OCA2: variants seen among roughly 807,000 people sequenced by gnomAD.
OCA2 encodes the protein OCA2 melanosomal transmembrane protein, also known as P protein.
OCA2 carries 77 observed loss-of-function variants against 100.2 expected under a neutral mutation model. The ratio of observed to expected loss-of-function variants is 0.77; its 90% CI spans 0.64 to 0.93. The LOEUF (loss-of-function observed/expected upper bound fraction) is 0.93. OCA2 is among the 40% of genes least tolerant of loss of function. The pLI, the probability that OCA2 is intolerant of heterozygous loss-of-function variation, is 0.00. For missense variants in OCA2, 1,062 were observed against 1,089.1 expected (o/e 0.98, Z 0.35); for synonymous variants, 432 against 439.2 (o/e 0.98, Z 0.21).
At chr15:27,871,790 T>G (rs2036585395) in intron 20 of OCA2, 73 bp downstream of exon 20, 1 of 1,112,114 alleles carries the variant, frequency 9.0e-7, no homozygotes, top group South Asian at 1.3e-5. Context: ...CCAGAGTGCT[T>G]TTTTTTTTTA....
At chr15:27,939,370 T>C (rs1301085155) in intron 18 of OCA2, among the ~76,000 whole-genome samples, 2 of 152,350 alleles carry the variant, frequency 1.3e-5, no homozygotes, top group African/African-American at 4.8e-5. Context: ...CAATTTCTGG[T>C]ACCCTCGGGG....
chr15:27,881,283 T>C (rs1352956260), intron 19 of OCA2, among the ~76,000 whole-genome samples: 1 of 152,132 alleles, frequency 6.6e-6, no homozygotes, highest in African/African-American at 2.4e-5. Context: ...TGAGGATTTT[T>C]GCATCAGTTT....
At chr15:27,845,168 G>A in intron 22 of OCA2, 116 bp from the exon 23 acceptor site, 3 of 834,378 alleles carry the variant, frequency 3.6e-6, no homozygotes, top group Non-Finnish European at 6.0e-6. Flanking sequence ...TTATTTTATA[G>A]TCAAAGTGAC....
At chr15:28,020,953 G>A (rs541592962) in intron 6 of OCA2, among the ~76,000 whole-genome samples, 3 of 152,278 alleles carry the variant, frequency 2.0e-5, no homozygotes, top group African/African-American at 7.2e-5. Context: ...CTGGGAAGAT[G>A]TAGTGAGACT....
At chr15:27,897,953 C>T (rs1454896077) in intron 19 of OCA2, among the ~76,000 whole-genome samples, 1 of 152,204 alleles carries the variant, frequency 6.6e-6, no homozygotes, top group Non-Finnish European at 1.5e-5. Flanking sequence ...CATTTTGGAG[C>T]TTTAAGAAAT....
At chr15:27,895,661 C>A in intron 19 of OCA2, 1 of 177,140 alleles carries the variant, frequency 5.6e-6, no homozygotes, top group Non-Finnish European at 1.2e-5. Context: ...CTAAGCAGGG[C>A]AGGTCTCTGT....
the OCA2 span, among the ~76,000 whole-genome samples, chr15:27,724,597 A>G: frequency 6.6e-6 from 1 of 152,080 alleles, no homozygotes; most frequent in Non-Finnish European, 1.5e-5. Flanking sequence ...CAGGGGCTTC[A>G]TGCGAATGTT....
chr15:27,956,256 G>A (rs1297836837), intron 16 of OCA2, among the ~76,000 whole-genome samples: 1 of 152,178 alleles, frequency 6.6e-6, no homozygotes, highest in Non-Finnish European at 1.5e-5. Context: ...GGCTGAGGCA[G>A]GAGAATCACT....
chr15:27,820,863 T>C (rs774597497), intron 23 of OCA2, among the ~76,000 whole-genome samples: 5 of 152,180 alleles, frequency 3.3e-5, no homozygotes, highest in Non-Finnish European at 7.3e-5. Context: ...CAATTTGCCT[T>C]TGGGATTAAC....
the OCA2 span, among the ~76,000 whole-genome samples, chr15:27,734,995 T>A: frequency 6.6e-6 from 1 of 152,016 alleles, no homozygotes; most frequent in Non-Finnish European, 1.5e-5. Context: ...CAAAATAAAG[T>A]GCCAATGACT....
At chr15:27,753,640 G>A (rs1375642470), downstream of OCA2, among the ~76,000 whole-genome samples, 1 of 152,054 alleles carries the variant, frequency 6.6e-6, no homozygotes, top group Admixed American at 6.5e-5. Flanking sequence ...GGGAGGCTGA[G>A]GCAGGAGAAT....
Position 27,985,183 on chromosome 15 carries a change from G to C in OCA2, c.1245C>G (p.Tyr415Ter). The C allele has an allele frequency of 6.2e-7, 1 of 1,613,722 alleles. No individual in the cohort carries two copies. The part of the protein sequence containing the change: ...GFFDYCAVKA[Y>*]RLSRGRVWAM... Reference sequence around the variant, plus strand: ...CCCACACCCGTCCCCGGGAGAGCCGGTATGCCTGGCCACACACACACAGAG... The same window carrying C: ...CCCACACCCGTCCCCGGGAGAGCCGCTATGCCTGGCCACACACACACAGAG... Residue 415 changes from tyrosine (Y) to a stop codon, truncating the protein, a stop_gained, in exon 13 of 24, where the codon TAC becomes TAG. Transcript: ENST00000354638. LOFTEE classifies it high-confidence loss of function.
rs1426116762 is a variant in OCA2 at position 27,957,816 on chromosome 15, G to A, written c.1637-81C>T. The A allele has an allele frequency of 4.6e-6, 7 of 1,531,622 alleles. No homozygotes were observed. The highest frequency in any genetic ancestry group is 3.4e-5 in the Admixed American group (2 of 58,536). The allele number at this position is 1,531,622 out of a possible 1,614,324, so 94.9% of individuals were successfully genotyped here. ...ACCCTCCTCTGTTCCCCACACAGTC[G>A]ATGCCTGACAGAGCAGACACACACT... On this transcript the variant is annotated intron_variant, in intron 15 of 23. Coordinates refer to ENST00000354638, the MANE Select transcript of OCA2 (RefSeq NM_000275.3). The surrounding 1 kb of genome is among the most constrained non-coding windows in gnomAD (Gnocchi z 4.3).
rs548263549 is a variant in OCA2, at chr15:28,052,512, A to C, written c.228-20349T>G. Among the ~76,000 whole-genome samples, 10 of 152,286 alleles carry C rather than the reference A, an allele frequency of 6.6e-5. No individual in the cohort carries two copies. The East Asian group carries it at 1.9e-3, about 29-fold the overall frequency. On this transcript the variant is annotated intron_variant, in intron 2 of 23. Transcript: ENST00000354638. ...TAGCTCTGAGCATTGCTGGCCTCAGAGCTAATCAACCCAAATGCAAATCCA... is the reference window on the plus strand; with the variant it reads ...TAGCTCTGAGCATTGCTGGCCTCAGCGCTAATCAACCCAAATGCAAATCCA...
At chr15:27,767,505 G>A (rs2031358655) in intron 23 of OCA2, among the ~76,000 whole-genome samples, 1 of 151,714 alleles carries the variant, frequency 6.6e-6, no homozygotes, top group African/African-American at 2.4e-5. Context: ...GCACCAGTCA[G>A]CACTGGGTGT....
intron 9 of OCA2, among the ~76,000 whole-genome samples, chr15:28,008,606 C>T (rs1211538748): frequency 6.6e-6 from 1 of 152,220 alleles, no homozygotes; most frequent in Non-Finnish European, 1.5e-5. Flanking sequence ...TTATAAATGA[C>T]CCTGTCTCCT....
rs1436393424 is a variant in OCA2 at position 28,043,750 on chromosome 15, A to G, written c.228-11587T>C. 6.6e-6 allele frequency among the ~76,000 whole-genome samples: 1 copy of G among 152,226 alleles called. No homozygotes were observed. The highest frequency in any genetic ancestry group is 1.5e-5 in the Non-Finnish European group (1 of 68,046). On this transcript the variant is annotated intron_variant, in intron 2 of 23. Coordinates refer to ENST00000354638, the MANE Select transcript of OCA2 (RefSeq NM_000275.3). The surrounding 1 kb of genome is among the most constrained non-coding windows in gnomAD (Gnocchi z 4.4). The stretch of plus-strand genomic sequence containing the variant: ...GAAAGCCCCAAAATTAATTATTAAC[A>G]TTAGATGGGCTTGTGACTGGGCTGG...
intron 2 of OCA2, among the ~76,000 whole-genome samples, chr15:28,072,995 A>C (rs1202800450): frequency 6.6e-6 from 1 of 152,226 alleles, no homozygotes; most frequent in African/African-American, 2.4e-5. Flanking sequence ...TCATGCACTC[A>C]TATGTTCATC....
downstream of OCA2, among the ~76,000 whole-genome samples, chr15:27,752,692 G>A (rs1385910697): frequency 1.3e-4 from 12 of 91,228 alleles, no homozygotes; most frequent in African/African-American, 4.2e-4. Context: ...GCCCACCCCC[G>A]GCCCTGGCTA....
Sources: allele counts gnomAD v4.1 joint callset (sites outside exome capture counted in the v4.1 genomes callset), GRCh38; gene constraint gnomAD v4.1.1; non-coding constraint Gnocchi (gnomAD v3.1); transcripts MANE v1.5; gene names NCBI Gene and HGNC (gene_info 2026-07-23, HGNC 2026-07-21).